Variants in OPCML observed in about 807,000 individuals in gnomAD.
OPCML encodes opioid binding protein/cell adhesion molecule like, also known as opioid-binding protein/cell adhesion molecule.
OPCML carries 13 observed loss-of-function variants against 37.8 expected under a neutral mutation model. That is an observed-to-expected ratio of 0.34 (90% CI 0.22 to 0.55). The LOEUF is 0.55. Ranked by LOEUF, OPCML falls within the 20% of genes least tolerant of loss-of-function variation. The probability of loss-of-function intolerance (pLI) is 0.91; values close to 1 mark genes in which losing one functional copy is unlikely to be tolerated. For missense variants in OPCML, 341 were observed against 435.6 expected (o/e 0.78, Z 1.93); for synonymous variants, 176 against 168.8 (o/e 1.04, Z -0.33).
chr11:133,408,510 T>C (rs1318125652), intron 1 of OPCML, among the ~76,000 whole-genome samples: 2 of 152,186 alleles, frequency 1.3e-5, no homozygotes, highest in East Asian at 1.9e-4. Flanking sequence ...TTTGTATACA[T>C]TCATTCATTT....
At chr11:132,420,425 G>A in intron 7 of OPCML, 132 bp from the exon 8 acceptor site, 1 of 1,415,156 alleles carries the variant, frequency 7.1e-7, no homozygotes, top group Non-Finnish European at 9.2e-7. Flanking sequence ...TCTAAACAAA[G>A]GAAAAAGCCC....
chr11:133,520,037 A>G (rs1380344107), intron 1 of OPCML, among the ~76,000 whole-genome samples: 1 of 152,160 alleles, frequency 6.6e-6, no homozygotes, highest in African/African-American at 2.4e-5. Context: ...GACATAATGA[A>G]GAATGAATTT....
At chr11:133,326,086 A>C (rs563644791) in intron 1 of OPCML, among the ~76,000 whole-genome samples, 86 of 152,214 alleles carry the variant, frequency 5.6e-4, no homozygotes, top group Non-Finnish European at 9.6e-4. Context: ...TTTCTCAGCA[A>C]AACTGAGTGC....
chr11:133,320,209 T>C lies in OPCML; in HGVS notation c.61+212055A>G, dbSNP rs117866348. ...CTTAATTTTTCTAATCTGATCAATA[T>C]TTGGTTAATTGAATGAATAGACAAT... On this transcript the variant is annotated intron_variant, in intron 1 of 7. Transcript: ENST00000524381. Among the ~76,000 whole-genome samples the C allele has an allele frequency of 6.6e-3, 1,003 of 152,338 alleles. 2 individuals carry two copies. The highest frequency in any genetic ancestry group is 0.014 in the Middle Eastern group (4 of 294).
chr11:132,467,975 C>T (rs1166275969), intron 4 of OPCML, among the ~76,000 whole-genome samples: 1 of 152,184 alleles, frequency 6.6e-6, no homozygotes, highest in African/African-American at 2.4e-5. Context: ...GTTGACATCC[C>T]TCTAGCTTCT....
At chr11:132,445,133 G>A (rs767308955) in intron 4 of OPCML, among the ~76,000 whole-genome samples, 1 of 152,202 alleles carries the variant, frequency 6.6e-6, no homozygotes, top group African/African-American at 2.4e-5. Flanking sequence ...TGCCTTCCCT[G>A]AGGCTGACAG....
intron 3 of OPCML, among the ~76,000 whole-genome samples, chr11:132,593,789 A>T (rs1279671683): frequency 1.3e-5 from 2 of 152,228 alleles, no homozygotes; most frequent in African/African-American, 2.4e-5. Flanking sequence ...TACAACAAGC[A>T]ATTAATTAAT....
chr11:132,678,307 G>A (rs1330671587), intron 2 of OPCML, among the ~76,000 whole-genome samples: 1 of 152,218 alleles, frequency 6.6e-6, no homozygotes, highest in Non-Finnish European at 1.5e-5. Context: ...AATGCAAAAT[G>A]ATATGGCCAA....
At chr11:133,161,275 A>G (rs2137217397) in intron 1 of OPCML, among the ~76,000 whole-genome samples, 1 of 152,342 alleles carries the variant, frequency 6.6e-6, no homozygotes, top group Non-Finnish European at 1.5e-5. Flanking sequence ...AAAGTTCAGT[A>G]ATTCAACAGA....
intron 2 of OPCML, among the ~76,000 whole-genome samples, chr11:132,765,980 G>A (rs575501877): frequency 6.6e-6 from 1 of 152,068 alleles, no homozygotes; most frequent in East Asian, 1.9e-4. Context: ...AATAGCACAG[G>A]GCCAGCTTGA....
intron 2 of OPCML, among the ~76,000 whole-genome samples, chr11:132,785,102 T>G (rs1433871593): frequency 6.6e-6 from 1 of 152,202 alleles, no homozygotes; most frequent in Non-Finnish European, 1.5e-5. Flanking sequence ...AGAAAATAAT[T>G]TCTACCTATA....
chr11:132,704,017 A>C (rs1943936852), intron 2 of OPCML, among the ~76,000 whole-genome samples: 1 of 152,000 alleles, frequency 6.6e-6, no homozygotes, highest in Admixed American at 6.6e-5. Context: ...TAGGCCTGGG[A>C]CCTGAGTTTT....
At chr11:132,480,154 C>T (rs1353182857) in intron 4 of OPCML, among the ~76,000 whole-genome samples, 2 of 152,058 alleles carry the variant, frequency 1.3e-5, no homozygotes, top group East Asian at 3.9e-4. Context: ...CTAGAATAAC[C>T]AATACAGAGA....
chr11:132,669,533 T>C (rs563488507), intron 2 of OPCML, among the ~76,000 whole-genome samples: 21 of 152,194 alleles, frequency 1.4e-4, no homozygotes, highest in African/African-American at 4.6e-4. Flanking sequence ...AACCACAGAT[T>C]TTAGCAAATG....
At chr11:132,920,436 G>A (rs1944751919) in intron 2 of OPCML, among the ~76,000 whole-genome samples, 1 of 152,190 alleles carries the variant, frequency 6.6e-6, no homozygotes, top group Admixed American at 6.5e-5. Flanking sequence ...TGGTTTGCGG[G>A]AGAGGGCAAA....
At chr11:132,737,579 A>G (rs1945300777) in intron 2 of OPCML, among the ~76,000 whole-genome samples, 1 of 152,190 alleles carries the variant, frequency 6.6e-6, no homozygotes, top group African/African-American at 2.4e-5. Flanking sequence ...TAGCTCTTTG[A>G]ATGAATATAG....
At chr11:133,149,026 G>C (rs1949937205) in intron 1 of OPCML, among the ~76,000 whole-genome samples, 1 of 152,156 alleles carries the variant, frequency 6.6e-6, no homozygotes, top group Non-Finnish European at 1.5e-5. Flanking sequence ...CCCACTGCCA[G>C]CCGTTCTTCC....
intron 3 of OPCML, among the ~76,000 whole-genome samples, chr11:132,577,194 T>G (rs4937711): frequency 4.9e-4 from 75 of 152,284 alleles, no homozygotes; most frequent in African/African-American, 1.7e-3. Flanking sequence ...CCATGAACTG[T>G]TGCTGAATTG....
chr11:132,903,685 G>C (rs1359013047), intron 2 of OPCML, among the ~76,000 whole-genome samples: 1 of 152,090 alleles, frequency 6.6e-6, no homozygotes, highest in Non-Finnish European at 1.5e-5. Context: ...AAATAAGAGA[G>C]AAAGAAGGGG....
Sources: gnomAD v4.1 joint callset for allele counts (sites outside exome capture counted in the v4.1 genomes callset) on GRCh38, gnomAD v4.1.1 for gene constraint, MANE v1.5 for transcripts, NCBI Gene and HGNC (gene_info 2026-07-23, HGNC 2026-07-21) for gene names.